The following NF1 variants were observed in gnomAD, a reference collection of about 807,000 sequenced individuals.
NF1 encodes the protein neurofibromin.
NF1 carries 122 observed loss-of-function variants against 325.7 expected under a neutral mutation model. That is an observed-to-expected ratio of 0.37 (90% confidence interval 0.32 to 0.44). The LOEUF is 0.44. Ranked by LOEUF, NF1 falls within the 20% of genes least tolerant of loss-of-function variation. The probability of loss-of-function intolerance (pLI) is 1.00; values close to 1 mark genes in which losing one functional copy is unlikely to be tolerated. For missense variants in NF1, 2,140 were observed against 3,415.4 expected, an observed-to-expected ratio of 0.63 and a Z score of 9.31; for synonymous variants, 1,091 against 1,186.0, an observed-to-expected ratio of 0.92 and a Z score of 1.65.
intron 1 of NF1, among the ~76,000 whole-genome samples, chr17:31,096,911 G>A (rs766760166): frequency 6.1e-5 from 9 of 146,792 alleles, no homozygotes; most frequent in African/African-American, 1.9e-4. Context: ...TTGATAGAGC[G>A]TTAGATTTAA....
intron 36 of NF1, among the ~76,000 whole-genome samples, chr17:31,274,785 T>G (rs1249261216): frequency 6.6e-6 from 1 of 151,968 alleles, no homozygotes; most frequent in Non-Finnish European, 1.5e-5. Context: ...TTGAGCAAAC[T>G]GTGACTTATT....
At position 31,337,463 on chromosome 17, in the gene NF1, G is replaced by C. The variant is rs1454821167; in HGVS notation, c.6523G>C (p.Val2175Leu). Residue 2175 changes from valine to leucine, a missense_variant, in exon 43 of 58, where the codon GTC becomes CTC. Physicochemically the swap from Val to Leu is conservative, Grantham distance 32. This residue lies in a region of NF1 where 180 missense variants were observed against 435.1 expected (regional missense o/e 0.41). Transcript: ENST00000358273. ...CATTAGCAAAGTCAAGTCAGCTGCT[G>C]TCATTGCCTTCCGTTCCAGTTACCG... is the stretch of plus-strand genomic sequence containing the variant. Reference protein sequence around the residue: ...FGISKVKSAAVIAFRSSYRDR... With the variant: ...FGISKVKSAALIAFRSSYRDR... 1 of 1,614,034 alleles carries C rather than the reference G, an allele frequency of 6.2e-7. No individual in the cohort carries two copies. The highest frequency in any genetic ancestry group is 8.5e-7 in the Non-Finnish European group (1 of 1,180,014).
chr17:31,095,772 C>T (rs17878592), intron 1 of NF1, among the ~76,000 whole-genome samples: 171 of 152,242 alleles, frequency 1.1e-3, no homozygotes, highest in African/African-American at 3.9e-3. Context: ...TAGGGGTTCT[C>T]TCTTCCTCTT....
Position 31,338,781 on chromosome 17 carries a change from C to G in NF1, c.6897C>G (p.Thr2299=), listed in dbSNP as rs2151559337. The G allele has an allele frequency of 6.2e-7, 1 of 1,611,374 alleles. No individual in the cohort carries two copies. The highest frequency in any genetic ancestry group is 8.5e-7 in the Non-Finnish European group (1 of 1,177,768). ...VLIEATVIAL[T]KLQPLLNKDS... ...TAGAAGCTACAGTAATAGCACTAAC[C>G]AAATTACAGCCACTTCTTAATAAGG... The change falls in exon 46 of 58, where the codon ACC becomes ACG. Residue 2299 remains threonine (T), a synonymous_variant. Transcript: ENST00000358273.
At chr17:31,266,427 G>T (rs868184590) in intron 36 of NF1, among the ~76,000 whole-genome samples, 1 of 151,984 alleles carries the variant, frequency 6.6e-6, no homozygotes, top group Non-Finnish European at 1.5e-5. Context: ...TGAACCTCCC[G>T]CCACCCCCCT....
intron 36 of NF1, among the ~76,000 whole-genome samples, chr17:31,266,704 A>G (rs1597754727): frequency 6.6e-6 from 1 of 151,506 alleles, no homozygotes. Flanking sequence ...ATTAGTTTAC[A>G]AATAGCAAAG....
chr17:31,168,318 TAATA>T (rs949321562), intron 4 of NF1, among the ~76,000 whole-genome samples: 3 of 152,178 alleles, frequency 2.0e-5, no homozygotes, highest in Non-Finnish European at 4.4e-5. Context: ...TATATATCTC[TAATA>T]AATAGATTTT....
At chr17:31,184,349 G>T (rs1215287870) in intron 8 of NF1, among the ~76,000 whole-genome samples, 1 of 152,158 alleles carries the variant, frequency 6.6e-6, no homozygotes, top group Non-Finnish European at 1.5e-5. Flanking sequence ...AGTGGACAAA[G>T]TGGTGAAAGA....
At chr17:31,267,951 GGC>G (rs2151472907) in intron 36 of NF1, among the ~76,000 whole-genome samples, 1 of 152,230 alleles carries the variant, frequency 6.6e-6, no homozygotes, top group Admixed American at 6.5e-5. Flanking sequence ...GTTTTAGTTA[GGC>G]TTTTATTGCA....
Position 31,325,802 on chromosome 17 carries a change from T to G in NF1, c.4836-18T>G. ...AAACACTGCTAATAATCTTTGTCTT[T>G]TTTGTCATTTTCCTTAGGTTCAAAA... On this transcript the variant is annotated intron_variant, in intron 36 of 57. Coordinates refer to ENST00000358273, the MANE Select transcript of NF1 (RefSeq NM_001042492.3). 6.2e-7 allele frequency: 1 copy of G among 1,603,854 alleles called. No individual in the cohort carries two copies. The highest frequency in any genetic ancestry group is 2.2e-5 in the East Asian group (1 of 44,832).
intron 1 of NF1, among the ~76,000 whole-genome samples, chr17:31,134,798 C>T (rs748039168): frequency 6.6e-6 from 1 of 152,154 alleles, no homozygotes; most frequent in Non-Finnish European, 1.5e-5. Context: ...TGGCAGCTGA[C>T]GTCTCCCAGA....
At chr17:31,185,430 A>G (rs1443735235) in intron 8 of NF1, among the ~76,000 whole-genome samples, 2 of 152,238 alleles carry the variant, frequency 1.3e-5, no homozygotes, top group Non-Finnish European at 2.9e-5. Context: ...GTGAGCAAGA[A>G]GTAGCAAACG....
chr17:31,317,380 CA>C (rs1387717583), intron 36 of NF1, among the ~76,000 whole-genome samples: 1 of 151,246 alleles, frequency 6.6e-6, no homozygotes, highest in African/African-American at 2.4e-5. Context: ...CACACACACA[CA>C]CACACACACA....
intron 8 of NF1, among the ~76,000 whole-genome samples, chr17:31,193,222 A>C (rs376759196): frequency 1.3e-5 from 2 of 152,236 alleles, no homozygotes; most frequent in East Asian, 3.8e-4. Flanking sequence ...CTCACTAAAA[A>C]CAGCCATTTT....
chr17:31,264,459 A>G (rs2067750909), intron 35 of NF1, among the ~76,000 whole-genome samples: 1 of 152,176 alleles, frequency 6.6e-6, no homozygotes, highest in Non-Finnish European at 1.5e-5. Flanking sequence ...TTTCTAAGCA[A>G]ATTACCTAGC....
chr17:31,206,416 AT>A (rs754290050), intron 12 of NF1, 45 bp downstream of exon 12: 31 of 1,606,628 alleles, frequency 1.9e-5, no homozygotes, highest in Middle Eastern at 1.7e-4. Context: ...TTTCTATTGC[AT>A]TTTTTTTAGT....
intron 49 of NF1, 56 bp from the exon 50 acceptor site, chr17:31,350,127 T>G: frequency 6.2e-7 from 1 of 1,600,948 alleles, no homozygotes; most frequent in Non-Finnish European, 8.6e-7. Flanking sequence ...TCATCCTGTT[T>G]TAAGTCACAC....
chr17:31,312,442 C>T (rs1347735695), intron 36 of NF1, among the ~76,000 whole-genome samples: 6 of 148,788 alleles, frequency 4.0e-5, no homozygotes, highest in Non-Finnish European at 3.0e-5. Flanking sequence ...CCCTGGGAGG[C>T]GGAGGTTGCA....
intron 36 of NF1, among the ~76,000 whole-genome samples, chr17:31,276,208 C>CAAAAAAAA (rs57914332): frequency 2.5e-5 from 2 of 78,912 alleles, no homozygotes; most frequent in East Asian, 3.6e-4. Context: ...GACTCCATCT[C>CAAAAAAAA]AAAAAAAAAA....
Sources: allele counts gnomAD v4.1 joint callset (sites outside exome capture counted in the v4.1 genomes callset), GRCh38; gene constraint gnomAD v4.1.1; regional missense constraint gnomAD v4.1.1; transcripts MANE v1.5; gene names NCBI Gene and HGNC (gene_info 2026-07-23, HGNC 2026-07-21).